The following FBLN2 variants were observed in gnomAD, a reference collection of about 807,000 sequenced individuals.
FBLN2 encodes fibulin 2, also known as fibulin-2.
A neutral mutation model predicts 123.7 loss-of-function variants in FBLN2; 81 were observed. The observed-to-expected ratio is 0.65, with a 90% CI of 0.55 to 0.79. FBLN2 has a LOEUF of 0.79. Among genes scored for constraint, FBLN2 ranks in the 30% least tolerant of loss-of-function variants. The probability of loss-of-function intolerance (pLI) is 0.00; values close to 1 mark genes in which losing one functional copy is unlikely to be tolerated. For missense variants in FBLN2, 1,603 were observed against 1,681.3 expected (o/e 0.95, Z 0.81); for synonymous variants, 699 against 701.4 (o/e 1.00, Z 0.05).
At chr3:13,595,276 G>C (rs937178376) in intron 2 of FBLN2, among the ~76,000 whole-genome samples, 1 of 152,154 alleles carries the variant, frequency 6.6e-6, no homozygotes, top group Non-Finnish European at 1.5e-5. Flanking sequence ...TGCAGAAGCC[G>C]GTGCTGAGGG....
intron 2 of FBLN2, among the ~76,000 whole-genome samples, chr3:13,590,337 A>G (rs1444051503): frequency 6.8e-6 from 1 of 146,976 alleles, no homozygotes; most frequent in Non-Finnish European, 1.5e-5. Context: ...TAATTTATTT[A>G]TTTATCGAGA....
intron 2 of FBLN2, 81 bp downstream of exon 2, chr3:13,571,742 G>A: frequency 7.0e-7 from 1 of 1,421,166 alleles, no homozygotes; most frequent in Non-Finnish European, 9.3e-7. Context: ...CCAGGTCTCT[G>A]CCTGGGGCTG....
intron 3 of FBLN2, 88 bp downstream of exon 3, chr3:13,608,261 C>T (rs970434774): frequency 4.3e-6 from 4 of 925,574 alleles, no homozygotes; most frequent in South Asian, 1.5e-5. Context: ...CCAGGCAGCC[C>T]GGAGAGAGTG....
rs113176308 is a variant in FBLN2, at chr3:13,603,045, G to C, written c.1307-5017G>C. Among the ~76,000 whole-genome samples the C allele has an allele frequency of 7.1e-3, 1,077 of 151,542 alleles. 18 individuals are homozygous for C. The highest frequency in any genetic ancestry group is 0.025 in the African/African-American group (1,020 of 41,332). ...TGTCCCTCAGCCTCCCAAGTAGCTG[G>C]GATTACAGGTGCGCGCCACCAAGCC... On this transcript the variant is annotated intron_variant, in intron 2 of 17. Coordinates refer to ENST00000404922, the MANE Select transcript of FBLN2 (RefSeq NM_001004019.2).
intron 9 of FBLN2, among the ~76,000 whole-genome samples, chr3:13,622,405 G>C (rs1339755836): frequency 6.6e-6 from 1 of 152,190 alleles, no homozygotes; most frequent in Non-Finnish European, 1.5e-5. Flanking sequence ...ACAGAGCCTG[G>C]GCACCGTGAG....
At chr3:13,582,477 T>C (rs1367005724) in intron 2 of FBLN2, among the ~76,000 whole-genome samples, 1 of 152,214 alleles carries the variant, frequency 6.6e-6, no homozygotes, top group Non-Finnish European at 1.5e-5. Context: ...GTGAAGCTTC[T>C]GGTTGAGATC....
intron 1 of FBLN2, among the ~76,000 whole-genome samples, chr3:13,556,962 C>T (rs1703480323): frequency 6.6e-6 from 1 of 152,286 alleles, no homozygotes. Context: ...TCTTTTGTCT[C>T]TGCCTTTCTC....
At chr3:13,623,288 G>A (rs966830989) in intron 9 of FBLN2, among the ~76,000 whole-genome samples, 4 of 152,184 alleles carry the variant, frequency 2.6e-5, no homozygotes, top group African/African-American at 4.8e-5. Context: ...CTGCCCTCTC[G>A]CGGTGCCTGA....
chr3:13,618,706 C>G (rs557486138), intron 6 of FBLN2, among the ~76,000 whole-genome samples, 198 bp from the exon 7 acceptor site: 8 of 152,292 alleles, frequency 5.3e-5, no homozygotes, highest in South Asian at 2.1e-4. Context: ...CCTTCTACCC[C>G]CTCTGCCCCC....
intron 2 of FBLN2, among the ~76,000 whole-genome samples, chr3:13,603,292 G>A (rs139591586): frequency 0.014 from 2,097 of 150,504 alleles, 52 homozygotes; most frequent in African/African-American, 0.049. Context: ...TAATGTGCAG[G>A]TTTGTTACAT....
chr3:13,587,002 G>T (rs1425553720), intron 2 of FBLN2, among the ~76,000 whole-genome samples: 1 of 151,218 alleles, frequency 6.6e-6, no homozygotes, highest in Non-Finnish European at 1.5e-5. Flanking sequence ...AAAATTAGCC[G>T]GTCACAGTGG....
Position 13,579,564 on chromosome 3 carries a change from C to T in FBLN2, c.1306+7903C>T, listed in dbSNP as rs116444213. On this transcript the variant is annotated intron_variant, in intron 2 of 17. Transcript: ENST00000404922. ...AACATAGGACGCACAGCGTTCTGTT[C>T]TATGCCTTTTTCAAATAACAATGGA... is the stretch of plus-strand genomic sequence containing the variant. 5.2e-3 allele frequency among the ~76,000 whole-genome samples: 787 copies of T among 152,376 alleles called. 3 individuals are homozygous for T. The highest frequency in any genetic ancestry group is 0.018 in the African/African-American group (750 of 41,586).
At chr3:13,571,829 A>G (rs147184427) in intron 2 of FBLN2, among the ~76,000 whole-genome samples, 168 bp downstream of exon 2, 125 of 143,424 alleles carry the variant, frequency 8.7e-4, no homozygotes, top group African/African-American at 3.1e-3. Flanking sequence ...GTGAGAGTGC[A>G]TCTTCTCCCA....
chr3:13,624,888 C>T (rs1705977892), intron 9 of FBLN2, among the ~76,000 whole-genome samples: 1 of 152,276 alleles, frequency 6.6e-6, no homozygotes, highest in African/African-American at 2.4e-5. Context: ...GGTCAGCCTT[C>T]CACACTGGCT....
intron 16 of FBLN2, among the ~76,000 whole-genome samples, chr3:13,634,502 T>C (rs1706383386): frequency 6.6e-6 from 1 of 152,252 alleles, no homozygotes; most frequent in Non-Finnish European, 1.5e-5. Context: ...ACGTCCTTCC[T>C]GCCCCACCCA....
chr3:13,630,777 A>T lies in FBLN2; in HGVS notation c.3047A>T (p.Gln1016Leu), dbSNP rs1364023967. ...IYGSYQCYCR[Q>L]GYQLAEDGHT... The stretch of plus-strand genomic sequence containing the variant: ...GGCTCCTACCAGTGCTACTGCCGCC[A>T]GGGCTACCAGCTGGCTGAGGATGGG... Residue 1016 changes from glutamine to leucine, a missense_variant, in exon 15 of 18, where the codon CAG becomes CTG. Physicochemically the swap from Gln to Leu is moderately radical, Grantham distance 113 (BLOSUM62 -2). Coordinates refer to ENST00000404922, the MANE Select transcript of FBLN2 (RefSeq NM_001004019.2). 1 of 1,608,810 alleles carries T rather than the reference A, an allele frequency of 6.2e-7. No homozygotes were observed. The highest frequency in any genetic ancestry group is 8.5e-7 in the Non-Finnish European group (1 of 1,177,960).
At position 13,637,727 on chromosome 3, in the gene FBLN2, C is replaced by T; in HGVS notation, c.3504C>T (p.Ile1168=). ...CGGGGGACACCATCGCCCTGAACAT[C>T]ATCAAGGGCAATGAGGAGGGCTACT... The part of the protein sequence containing the change: ...AFTGDTIALN[I]IKGNEEGYFG... The change falls in exon 18 of 18, where the codon ATC becomes ATT. Residue 1168 remains isoleucine (I), a synonymous_variant. Coordinates refer to ENST00000404922, the MANE Select transcript of FBLN2 (RefSeq NM_001004019.2). 3.1e-6 allele frequency: 5 copies of T among 1,614,032 alleles called. No homozygotes were observed. In the South Asian group the frequency reaches 5.5e-5, roughly 18 times the overall value.
chr3:13,628,115 C>T, intron 11 of FBLN2, 146 bp downstream of exon 11: 2 of 1,054,678 alleles, frequency 1.9e-6, no homozygotes, highest in South Asian at 1.7e-5. Flanking sequence ...TGTGAATGGG[C>T]ATGTCAAGTG....
intron 2 of FBLN2, among the ~76,000 whole-genome samples, chr3:13,574,446 G>A (rs1054717153): frequency 7.2e-5 from 11 of 152,174 alleles, no homozygotes; most frequent in African/African-American, 1.2e-4. Context: ...GACAACAGAC[G>A]TCAGACCCCT....
Sources: gnomAD v4.1 joint callset for allele counts (sites outside exome capture counted in the v4.1 genomes callset) on GRCh38, gnomAD v4.1.1 for gene constraint, MANE v1.5 for transcripts, NCBI Gene and HGNC (gene_info 2026-07-23, HGNC 2026-07-21) for gene names.